Variants in EPHA5 observed in about 807,000 individuals in gnomAD.
EPHA5 encodes EPH receptor A5.
In EPHA5, 60 loss-of-function variants were observed where a neutral mutation model predicts 105.0. The observed-to-expected ratio is 0.57, with a 90% CI of 0.46 to 0.71. The LOEUF is 0.71. Ranked by LOEUF, EPHA5 falls within the 30% of genes least tolerant of loss-of-function variation. The pLI, the probability that EPHA5 is intolerant of heterozygous loss-of-function variation, is 0.00. For missense variants in EPHA5, 1,218 were observed against 1,274.7 expected, an observed-to-expected ratio of 0.96 and a Z score of 0.68; for synonymous variants, 513 against 449.1, an observed-to-expected ratio of 1.14 and a Z score of -1.80.
At chr4:65,355,970 C>T (rs1343039904) in intron 11 of EPHA5, among the ~76,000 whole-genome samples, 1 of 151,428 alleles carries the variant, frequency 6.6e-6, no homozygotes, top group African/African-American at 2.4e-5. Context: ...CCTGATTTAT[C>T]CCCTCATTTA....
At chr4:65,649,500 T>C (rs1386725924) in intron 1 of EPHA5, among the ~76,000 whole-genome samples, 1 of 152,194 alleles carries the variant, frequency 6.6e-6, no homozygotes, top group Non-Finnish European at 1.5e-5. Flanking sequence ...GGGTAACTAG[T>C]CCTTTTGTAT....
At chr4:65,521,608 G>A (rs767392666) in intron 3 of EPHA5, among the ~76,000 whole-genome samples, 3 of 151,570 alleles carry the variant, frequency 2.0e-5, no homozygotes, top group Non-Finnish European at 4.4e-5. Context: ...TAATATTTAC[G>A]TCTACTTTTT....
intron 7 of EPHA5, among the ~76,000 whole-genome samples, chr4:65,407,550 C>T (rs1173978929): frequency 1.3e-5 from 2 of 151,922 alleles, no homozygotes; most frequent in Admixed American, 6.6e-5. Context: ...TAAGTAACAT[C>T]AAATCGCAAA....
At chr4:65,544,126 G>GA (rs1737136049) in intron 3 of EPHA5, among the ~76,000 whole-genome samples, 1 of 151,870 alleles carries the variant, frequency 6.6e-6, no homozygotes, top group African/African-American at 2.4e-5. Context: ...AAAAACAGTA[G>GA]AAAAAACCCT....
chr4:65,441,711 G>T lies in EPHA5; in HGVS notation c.1403-21146C>A, dbSNP rs140017479. ...AACTGTTTAAAAGAACTACTGACTC[G>T]CACTGACTCTGTAAAACATATTAAT... On this transcript the variant is annotated intron_variant, in intron 5 of 16. Transcript: ENST00000613740. Among the ~76,000 whole-genome samples the T allele has an allele frequency of 4.9e-3, 739 of 152,018 alleles. 7 individuals carry two copies. Among genetic ancestry groups the T allele is most frequent in the South Asian group, 0.014 (67 of 4,824 alleles).
intron 6 of EPHA5, among the ~76,000 whole-genome samples, chr4:65,416,299 G>C (rs1723376120): frequency 6.6e-6 from 1 of 152,026 alleles, no homozygotes; most frequent in African/African-American, 2.4e-5. Context: ...ATGAGAAAAT[G>C]TGGGTAAACA....
chr4:65,520,648 C>T (rs1393249293), intron 3 of EPHA5, among the ~76,000 whole-genome samples: 1 of 151,940 alleles, frequency 6.6e-6, no homozygotes, highest in Non-Finnish European at 1.5e-5. Flanking sequence ...GACTAATATC[C>T]AGAATCTACA....
chr4:65,414,163 T>C (rs1723171139), intron 7 of EPHA5, 121 bp downstream of exon 7: 2 of 879,428 alleles, frequency 2.3e-6, no homozygotes, highest in Admixed American at 2.0e-5. Context: ...GAAGGGGTCA[T>C]GCCTGGGAGA....
chr4:65,485,752 G>A (rs939820965), intron 5 of EPHA5, among the ~76,000 whole-genome samples: 1 of 152,054 alleles, frequency 6.6e-6, no homozygotes, highest in East Asian at 1.9e-4. Context: ...TACATTGTTG[G>A]AATGCAGAGA....
At chr4:65,602,435 A>C in intron 2 of EPHA5, 131 bp from the exon 3 acceptor site, 1 of 638,698 alleles carries the variant, frequency 1.6e-6, no homozygotes, top group Non-Finnish European at 2.5e-6. Context: ...TGATATTTAC[A>C]GAAGGAACTA....
chr4:65,609,134 G>T (rs936633713), intron 2 of EPHA5, among the ~76,000 whole-genome samples: 3 of 151,984 alleles, frequency 2.0e-5, no homozygotes, highest in Admixed American at 6.6e-5. Flanking sequence ...AGAAAAATGT[G>T]GTTTTAAAAG....
intron 1 of EPHA5, among the ~76,000 whole-genome samples, chr4:65,647,932 G>A (rs1402806281): frequency 6.6e-6 from 1 of 152,038 alleles, no homozygotes; most frequent in Non-Finnish European, 1.5e-5. Context: ...TTTTTAATAA[G>A]GAAAAGTCAC....
At chr4:65,472,218 T>C (rs1729357245) in intron 5 of EPHA5, among the ~76,000 whole-genome samples, 2 of 152,120 alleles carry the variant, frequency 1.3e-5, no homozygotes, top group South Asian at 4.1e-4. Flanking sequence ...ATCATCTCCT[T>C]GAGTCCCTGT....
intron 3 of EPHA5, among the ~76,000 whole-genome samples, chr4:65,563,133 G>A (rs1464270487): frequency 6.6e-6 from 1 of 151,520 alleles, no homozygotes; most frequent in Non-Finnish European, 1.5e-5. Context: ...CCCTCCCACT[G>A]TTCCTATTGT....
At chr4:65,492,970 A>G (rs1731556393) in intron 4 of EPHA5, among the ~76,000 whole-genome samples, 3 of 137,672 alleles carry the variant, frequency 2.2e-5, no homozygotes, top group Non-Finnish European at 4.6e-5. Flanking sequence ...GAACAATGTC[A>G]AACTTCTGTT....
intron 3 of EPHA5, among the ~76,000 whole-genome samples, chr4:65,585,585 T>A (rs995483373): frequency 6.6e-6 from 1 of 151,886 alleles, no homozygotes; most frequent in African/African-American, 2.4e-5. Flanking sequence ...TAAAACAACA[T>A]CTTTTTGTTT....
intron 3 of EPHA5, among the ~76,000 whole-genome samples, chr4:65,548,048 A>C (rs1286634098): frequency 6.6e-6 from 1 of 151,454 alleles, no homozygotes; most frequent in East Asian, 1.9e-4. Context: ...ACAACACATA[A>C]ATATAACCAG....
At chr4:65,371,470 A>G (rs572824079) in intron 8 of EPHA5, among the ~76,000 whole-genome samples, 1 of 152,210 alleles carries the variant, frequency 6.6e-6, no homozygotes, top group East Asian at 1.9e-4. Context: ...TGATCTTAAA[A>G]ATTTGGTTGC....
chr4:65,480,908 T>C (rs549870574), intron 5 of EPHA5, among the ~76,000 whole-genome samples: 99 of 152,002 alleles, frequency 6.5e-4, no homozygotes, highest in Non-Finnish European at 6.9e-4. Flanking sequence ...AGAGGAGTGT[T>C]GTAGGCAAGT....
Sources: gnomAD v4.1 joint callset for allele counts (sites outside exome capture counted in the v4.1 genomes callset) on GRCh38, gnomAD v4.1.1 for gene constraint, MANE v1.5 for transcripts, NCBI Gene and HGNC (gene_info 2026-07-23, HGNC 2026-07-21) for gene names.